BCOR: variants seen among roughly 807,000 people sequenced by gnomAD.
BCOR encodes the protein BCL6 corepressor.
BCOR carries 10 observed loss-of-function variants against 86.7 expected under a neutral mutation model. The ratio of observed to expected loss-of-function variants is 0.12; its 90% confidence interval spans 0.07 to 0.20. BCOR has a LOEUF of 0.20. Ranked by LOEUF, BCOR falls within the 10% of genes least tolerant of loss-of-function variation. The pLI, the probability that BCOR is intolerant of heterozygous loss-of-function variation, is 1.00. For missense variants in BCOR, 1,259 were observed against 1,452.1 expected (o/e 0.87, Z 2.16); for synonymous variants, 611 against 609.0 (o/e 1.00, Z -0.05).
At chrX:40,138,526 T>C (rs891861069) in intron 1 of BCOR, among the ~76,000 whole-genome samples, 1 of 111,832 alleles carries the variant, frequency 8.9e-6, no homozygotes, top group Non-Finnish European at 1.9e-5. Flanking sequence ...ATTAAGCACT[T>C]TCTAGATGCC....
intron 1 of BCOR, among the ~76,000 whole-genome samples, chrX:40,167,649 C>T (rs1361781380): frequency 5.3e-5 from 6 of 112,588 alleles, no homozygotes; most frequent in Non-Finnish European, 9.4e-5. Flanking sequence ...CTGCGTGGAT[C>T]CAGCACGTCG....
In BCOR at chrX:40,074,191, C is replaced by T. The variant is rs398124311; in HGVS notation, c.1155G>A (p.Ala385=). Residue 385 remains alanine (A), a synonymous_variant, in exon 4 of 15, where the codon GCG becomes GCA. Transcript: ENST00000378444. The part of the protein sequence containing the change: ...PYMTVSSEFP[A]ARLSNGKYPK... ...GATACTTGCCATTGGAGAGCCTGGC[C>T]GCGGGGAACTCGCTGCTAACTGTCA... 95 of 1,211,001 alleles carry T rather than the reference C, an allele frequency of 7.8e-5. No homozygotes were observed. The highest frequency in any genetic ancestry group is 1.0e-4 in the Non-Finnish European group (92 of 895,441).
At chrX:40,107,137 T>C (rs1343957605) in intron 1 of BCOR, among the ~76,000 whole-genome samples, 1 of 112,292 alleles carries the variant, frequency 8.9e-6, no homozygotes, top group Non-Finnish European at 1.9e-5. Context: ...TGGTTTTTAT[T>C]TTAAGGATTT....
At chrX:40,098,993 C>A (rs1439798570), upstream of BCOR, among the ~76,000 whole-genome samples, 2 of 112,820 alleles carry the variant, frequency 1.8e-5, no homozygotes, top group Admixed American at 1.9e-4. Flanking sequence ...GGAGGGGCTG[C>A]CCAGGCCCCT....
intron 1 of BCOR, among the ~76,000 whole-genome samples, chrX:40,114,974 T>G (rs1040822696): frequency 2.8e-5 from 3 of 105,590 alleles, no homozygotes; most frequent in African/African-American, 1.1e-4. Context: ...TGCCTCAGCC[T>G]CTCATGTAGC....
At chrX:40,149,934 G>A (rs185396022) in intron 1 of BCOR, among the ~76,000 whole-genome samples, 4 of 112,594 alleles carry the variant, frequency 3.6e-5, no homozygotes, top group East Asian at 2.8e-4. Flanking sequence ...TCCTCAGGCC[G>A]TGTGACCCGC....
chrX:40,052,659 G>A (rs967531041), intron 14 of BCOR, among the ~76,000 whole-genome samples: 8 of 103,522 alleles, frequency 7.7e-5, no homozygotes, highest in African/African-American at 2.9e-4. Context: ...CCACCTCCCA[G>A]GTTCACGCCA....
intron 1 of BCOR, among the ~76,000 whole-genome samples, chrX:40,172,304 C>G (rs779855776): frequency 2.0e-4 from 22 of 112,586 alleles, no homozygotes; most frequent in Non-Finnish European, 3.6e-4. Context: ...TTGCGAAACA[C>G]GGAGCGAACA....
chrX:40,072,733 G>C lies in BCOR; in HGVS notation c.2613C>G (p.Phe871Leu). 1 of 1,211,895 alleles carries C rather than the reference G, an allele frequency of 8.3e-7. No homozygotes were observed. The highest frequency in any genetic ancestry group is 1.1e-6 in the Non-Finnish European group (1 of 895,569). ...TGCTTACGGTGAAGACTGGCTGTTT[G>C]AAAGTATAAGTTTCGTGGAAGTCAC... ...RISDFHETYT[F>L]KQPVFTVSKD... Residue 871 changes from phenylalanine (F) to leucine (L), a missense_variant, in exon 4 of 15, where the codon TTC becomes TTG. Phe to Leu is a conservative substitution (Grantham distance 22). Transcript: ENST00000378444.
intron 7 of BCOR, 93 bp from the exon 8 acceptor site, chrX:40,064,045 G>A: frequency 3.2e-6 from 2 of 625,576 alleles, no homozygotes; most frequent in Non-Finnish European, 4.8e-6. Context: ...GAGGGGGGGT[G>A]TGGTCACTGG....
intron 1 of BCOR, among the ~76,000 whole-genome samples, chrX:40,110,151 A>AG (rs1384885688): frequency 2.7e-5 from 3 of 112,539 alleles, no homozygotes; most frequent in Non-Finnish European, 5.6e-5. Flanking sequence ...TAGTACTCTC[A>AG]GGTAAGGTCA....
intron 1 of BCOR, among the ~76,000 whole-genome samples, chrX:40,176,090 G>A (rs1051423349): frequency 1.3e-4 from 15 of 112,784 alleles, no homozygotes; most frequent in Non-Finnish European, 3.8e-5. Flanking sequence ...CTAGAGTAGC[G>A]CACGCCACTT....
intron 1 of BCOR, among the ~76,000 whole-genome samples, chrX:40,080,708 T>C (rs1438905870): frequency 1.8e-5 from 2 of 110,900 alleles, no homozygotes; most frequent in Admixed American, 1.9e-4. Context: ...CCTTTGGGGC[T>C]TTCCATATTA....
chrX:40,172,661 C>T (rs1206070699), intron 1 of BCOR, among the ~76,000 whole-genome samples: 1 of 113,223 alleles, frequency 8.8e-6, no homozygotes, highest in African/African-American at 3.2e-5. Flanking sequence ...ACTGGGCTCT[C>T]CAGTCCTGGG....
chrX:40,154,980 A>G (rs894023346), intron 1 of BCOR, among the ~76,000 whole-genome samples: 10 of 110,359 alleles, frequency 9.1e-5, no homozygotes, highest in East Asian at 5.9e-4. Context: ...ACACACACGC[A>G]CGCGCGCGCG....
At chrX:40,174,972 C>T (rs934320147) in intron 1 of BCOR, among the ~76,000 whole-genome samples, 2 of 113,317 alleles carry the variant, frequency 1.8e-5, no homozygotes, top group Non-Finnish European at 3.7e-5. Context: ...TTTGTCTGGT[C>T]CCTCTGAGAA....
In BCOR at chrX:40,072,272, A is replaced by G. The variant is rs1224729167; in HGVS notation, c.2997+77T>C. On this transcript the variant is annotated intron_variant, in intron 4 of 14. Transcript: ENST00000378444. Reference sequence around the variant, plus strand: ...AATCTGCCTGGTGCCCTGCCCTACCATACTCCCCCAATCCTGTTTACACAT... The same window carrying G: ...AATCTGCCTGGTGCCCTGCCCTACCGTACTCCCCCAATCCTGTTTACACAT... The G allele has an allele frequency of 4.7e-6, 5 of 1,060,539 alleles. No individual in the cohort carries two copies. In the African/African-American group the frequency reaches 9.3e-5, roughly 20 times the overall value. The allele number at this position is 1,060,539 out of a possible 1,213,427, so 87.4% of individuals were successfully genotyped here. A position where few individuals can be genotyped will look rare whatever the true frequency, so the allele number is the denominator to read the frequency against.
chrX:40,133,961 A>G (rs945033329), intron 1 of BCOR, among the ~76,000 whole-genome samples: 7 of 110,866 alleles, frequency 6.3e-5, no homozygotes, highest in African/African-American at 2.0e-4. Flanking sequence ...CAGAGCAACC[A>G]AATGATAAGT....
intron 1 of BCOR, among the ~76,000 whole-genome samples, chrX:40,087,108 G>T (rs1936393161): frequency 8.8e-6 from 1 of 113,366 alleles, no homozygotes; most frequent in Non-Finnish European, 1.9e-5. Flanking sequence ...GCAAAGTGGG[G>T]TCTGGCCGGG....
Sources: allele counts gnomAD v4.1 joint callset (sites outside exome capture counted in the v4.1 genomes callset), GRCh38; gene constraint gnomAD v4.1.1; transcripts MANE v1.5; gene names NCBI Gene and HGNC (gene_info 2026-07-23, HGNC 2026-07-21).